CARS2: variants seen among roughly 807,000 people sequenced by gnomAD.
CARS2 encodes the protein probable cysteine--tRNA ligase, mitochondrial.
In CARS2, 52 loss-of-function variants were observed where a neutral mutation model predicts 68.8. That is an observed-to-expected ratio of 0.76 (90% CI 0.61 to 0.95). The LOEUF (loss-of-function observed/expected upper bound fraction) is 0.95, where lower values mean the gene tolerates loss of function less well. Among genes scored for constraint, CARS2 ranks in the 40% least tolerant of loss-of-function variants. The pLI, the probability that CARS2 is intolerant of heterozygous loss-of-function variation, is 0.00. For synonymous variants in CARS2, 314 were observed against 303.6 expected, an observed-to-expected ratio of 1.03 and a Z score of -0.36; for missense variants, 780 against 754.2, an observed-to-expected ratio of 1.03 and a Z score of -0.40.
chr13:110,666,308 T>A (rs2062646372), intron 8 of CARS2: 1 of 985,292 alleles, frequency 1.0e-6, no homozygotes, highest in Non-Finnish European at 1.2e-6. Context: ...TAAAGTGGAT[T>A]TCAGCTAGTG....
intron 9 of CARS2, among the ~76,000 whole-genome samples, chr13:110,654,293 T>C (rs896537086): frequency 6.6e-6 from 1 of 152,160 alleles, no homozygotes; most frequent in Non-Finnish European, 1.5e-5. Flanking sequence ...TTATCTGAGC[T>C]CCAGGGTTGA....
At position 110,667,514 on chromosome 13, in the gene CARS2, G is replaced by A. The variant is rs775594642; in HGVS notation, c.786-41C>T. On this transcript the variant is annotated intron_variant, in intron 7 of 14. Coordinates refer to ENST00000257347, the MANE Select transcript of CARS2 (RefSeq NM_024537.4). Reference sequence around the variant, plus strand: ...CAAAGTAGTGAATTCATTCAATCAAGCAACATATTTTCTTCTAACCTCGTC... The same window carrying A: ...CAAAGTAGTGAATTCATTCAATCAAACAACATATTTTCTTCTAACCTCGTC... 3.1e-5 allele frequency: 50 copies of A among 1,592,988 alleles called. No homozygotes were observed. The South Asian group carries it at 5.0e-4, about 16-fold the overall frequency.
At position 110,705,565 on chromosome 13, in the gene CARS2, G is replaced by C; in HGVS notation, c.231C>G (p.Ser77Arg). 6.2e-7 allele frequency: 1 copy of C among 1,612,634 alleles called. No individual in the cohort carries two copies. Among genetic ancestry groups the C allele is most frequent in the Non-Finnish European group, 8.5e-7 (1 of 1,178,646 alleles). Residue 77 changes from serine to arginine, a missense_variant, in exon 2 of 15, where the codon AGC becomes AGG. Coordinates refer to ENST00000257347, the MANE Select transcript of CARS2 (RefSeq NM_024537.4). This position sits in a 1 kb window ranked among gnomAD's most constrained non-coding sequence, Gnocchi z 4.0. Reference protein sequence around the residue: ...VAHAEAASWYSCGPTVYDHAH... With the variant: ...VAHAEAASWYRCGPTVYDHAH... ...CATGATCATATACAGTTGGTCCACA[G>C]CTATACCTGGAAACAAAGTTAAAAT...
Position 110,647,834 on chromosome 13 carries a change from A to C in CARS2, c.1055-595T>G, listed in dbSNP as rs1262543367. On this transcript the variant is annotated intron_variant, in intron 10 of 14. Transcript: ENST00000257347. ...TCTACTGCATTCTGATGGGTAAGAC[A>C]ACAGGAGTGAATCGCTTTGCAATGA... Among the ~76,000 whole-genome samples, 4 of 100,372 alleles carry C rather than the reference A, an allele frequency of 4.0e-5. No individual in the cohort carries two copies. The East Asian group carries it at 1.2e-3, about 30-fold the overall frequency. 65.8% of individuals were successfully genotyped at this position (100,372 alleles called of 152,430 possible). A position where few individuals can be genotyped will look rare whatever the true frequency, so the allele number is the denominator to read the frequency against.
chr13:110,695,520 A>G (rs1249748446), intron 3 of CARS2, among the ~76,000 whole-genome samples: 2 of 152,152 alleles, frequency 1.3e-5, no homozygotes, highest in African/African-American at 4.8e-5. Flanking sequence ...TTCAGAAGAT[A>G]GACAGCAAGG....
intron 7 of CARS2, among the ~76,000 whole-genome samples, chr13:110,671,800 GT>G (rs2062809763): frequency 6.6e-6 from 1 of 152,188 alleles, no homozygotes; most frequent in South Asian, 2.1e-4. Flanking sequence ...ACCCATCAGT[GT>G]GCTGTATTCA....
chr13:110,669,579 C>T (rs1451829466), intron 7 of CARS2, among the ~76,000 whole-genome samples: 1 of 152,066 alleles, frequency 6.6e-6, no homozygotes, highest in African/African-American at 2.4e-5. Flanking sequence ...TTTTTTAAAA[C>T]CCATTTCTGG....
In CARS2 at chr13:110,712,760, C is replaced by G. The variant is rs1331515436; in HGVS notation, n.399+377G>C. ...GCCTCCGAGAACGGTGTCCATGACA[C>G]AGGGCGGGAAGAGATAAGGCCTAGG... On this transcript the variant is annotated intron_variant and non_coding_transcript_variant, in intron 1 of 2. Transcript: ENST00000485188. 4.3e-6 allele frequency: 3 copies of G among 705,810 alleles called. No homozygotes were observed. In the Admixed American group the frequency reaches 6.0e-5, roughly 14 times the overall value. The allele number at this position is 705,810 out of a possible 1,614,324, so 43.7% of individuals were successfully genotyped here. A position where few individuals can be genotyped will look rare whatever the true frequency, so the allele number is the denominator to read the frequency against.
intron 6 of CARS2, among the ~76,000 whole-genome samples, chr13:110,679,788 C>A (rs2063103615): frequency 6.6e-6 from 1 of 151,948 alleles, no homozygotes; most frequent in Admixed American, 6.6e-5. Flanking sequence ...AGATAGACAG[C>A]CACAAAACTA....
intron 8 of CARS2, chr13:110,664,966 T>A (rs964535143): frequency 2.1e-6 from 2 of 974,674 alleles, no homozygotes; most frequent in Non-Finnish European, 2.4e-6. Flanking sequence ...CGCTTTCAGT[T>A]TGGCTATAGC....
intron 5 of CARS2, among the ~76,000 whole-genome samples, chr13:110,686,812 C>G (rs2063315878): frequency 6.6e-6 from 1 of 152,156 alleles, no homozygotes; most frequent in South Asian, 2.1e-4. Flanking sequence ...CCCGCTTCCA[C>G]CTCCCAAAGT....
At chr13:110,667,035 T>C (rs996448301) in intron 8 of CARS2, 25 of 805,008 alleles carry the variant, frequency 3.1e-5, no homozygotes, top group Non-Finnish European at 3.8e-5. Context: ...AGGATGTTCA[T>C]AATTATCGTT....
At chr13:110,652,826 G>A (rs1272588213) in intron 9 of CARS2, among the ~76,000 whole-genome samples, 1 of 152,206 alleles carries the variant, frequency 6.6e-6, no homozygotes, top group African/African-American at 2.4e-5. Context: ...TGTGAACTGG[G>A]ATGGTTCAAC....
intron 3 of CARS2, among the ~76,000 whole-genome samples, chr13:110,700,517 T>C (rs1264946600): frequency 3.3e-5 from 5 of 152,220 alleles, no homozygotes; most frequent in Non-Finnish European, 7.3e-5. Context: ...CAGCCAACAA[T>C]GGCCACGAGG....
rs1469130118 is a variant in CARS2 at position 110,659,494 on chromosome 13, CTCCT to C, written c.987+3953_987+3956del. ...TGCCTGCCCCTCCTCAAGCCCAGAT[CTCCT>C]TTTTTTTTTTTGTTTGGCCTAGCAT... On this transcript the variant is annotated intron_variant, in intron 9 of 14. Coordinates refer to ENST00000257347, the MANE Select transcript of CARS2 (RefSeq NM_024537.4). Among the ~76,000 whole-genome samples the C allele has an allele frequency of 1.9e-4, 23 of 122,680 alleles. No homozygotes were observed. The East Asian group carries it at 5.4e-3, about 29-fold the overall frequency. The allele number at this position is 122,680 out of a possible 152,430, so 80.5% of individuals were successfully genotyped here.
chr13:110,656,669 G>A (rs2062377074), intron 9 of CARS2, among the ~76,000 whole-genome samples: 1 of 152,162 alleles, frequency 6.6e-6, no homozygotes, highest in Non-Finnish European at 1.5e-5. Flanking sequence ...TGGATCACAA[G>A]GTCAGGAGAT....
rs746782275 is a variant in CARS2 at position 110,653,215 on chromosome 13, TTG to T, written c.988-2117_988-2116del. Among the ~76,000 whole-genome samples the T allele has an allele frequency of 8.5e-6, 1 of 117,724 alleles. No homozygotes were observed. The highest frequency in any genetic ancestry group is 1.7e-5 in the Non-Finnish European group (1 of 57,696). 77.2% of individuals were successfully genotyped at this position (117,724 alleles called of 152,430 possible). On this transcript the variant is annotated intron_variant, in intron 9 of 14. Coordinates refer to ENST00000257347, the MANE Select transcript of CARS2 (RefSeq NM_024537.4). This position sits in a 1 kb window ranked among gnomAD's most constrained non-coding sequence, Gnocchi z 5.6. ...GGCTGGGGTATGTGTGTGTGTGTGT[TTG>T]TGTGTGTGTGTGTGAAGAGCCCCTG... is the stretch of plus-strand genomic sequence containing the variant.
Position 110,647,132 on chromosome 13 carries a change from C to T in CARS2, c.1162G>A (p.Gly388Ser), listed in dbSNP as rs746241006. ...CACAGCATCGCTTCCCTGACGGAGC[C>T]GCAGGCCAGCTGCCCCTTCATGTAG... ...RAYMKGQLAC[G>S]SVREAMLWER... Residue 388 changes from glycine to serine, a missense_variant, in exon 11 of 15, where the codon GGC becomes AGC. Transcript: ENST00000257347. 47 of 1,604,876 alleles carry T rather than the reference C, an allele frequency of 2.9e-5. No homozygotes were observed. Among genetic ancestry groups the T allele is most frequent in the East Asian group, 4.5e-5 (2 of 44,638 alleles).
intron 14 of CARS2, 143 bp from the exon 15 acceptor site, chr13:110,641,751 A>G (rs538159559): frequency 2.8e-5 from 20 of 720,774 alleles, no homozygotes; most frequent in African/African-American, 2.2e-4. Flanking sequence ...AAAGGGCCCC[A>G]CTACCTCCAG....
Sources: gnomAD v4.1 joint callset for allele counts (sites outside exome capture counted in the v4.1 genomes callset) on GRCh38, gnomAD v4.1.1 for gene constraint, Gnocchi (gnomAD v3.1) non-coding constraint, MANE v1.5 for transcripts, NCBI Gene and HGNC (gene_info 2026-07-23, HGNC 2026-07-21) for gene names.